Variants in PARD3 observed in about 807,000 individuals in gnomAD.
PARD3 encodes the protein partitioning defective 3 homolog.
PARD3 carries 75 observed loss-of-function variants against 155.4 expected under a neutral mutation model. That is an observed-to-expected ratio of 0.48 (90% confidence interval 0.40 to 0.58). PARD3 has a LOEUF of 0.58. Ranked by LOEUF, PARD3 falls within the 20% of genes least tolerant of loss-of-function variation. PARD3 has a pLI of 0.00. For missense variants in PARD3, 1,642 were observed against 1,721.7 expected, an observed-to-expected ratio of 0.95 and a Z score of 0.82; for synonymous variants, 576 against 610.5, an observed-to-expected ratio of 0.94 and a Z score of 0.83.
chr10:34,415,929 T>A (rs754522275), intron 5 of PARD3, among the ~76,000 whole-genome samples: 1 of 152,188 alleles, frequency 6.6e-6, no homozygotes, highest in Admixed American at 6.5e-5. Flanking sequence ...AGGGTAAAGA[T>A]GAGTAGGAGG....
At chr10:34,278,174 G>A (rs559819545) in intron 21 of PARD3, among the ~76,000 whole-genome samples, 1 of 151,838 alleles carries the variant, frequency 6.6e-6, no homozygotes, top group East Asian at 2.0e-4. Flanking sequence ...AGCCTCCTGA[G>A]TGTCTGGGAC....
At chr10:34,253,521 T>C (rs1458353968) in intron 22 of PARD3, among the ~76,000 whole-genome samples, 1 of 152,214 alleles carries the variant, frequency 6.6e-6, no homozygotes, top group Non-Finnish European at 1.5e-5. Flanking sequence ...CTAGAAGCCA[T>C]CTGGTTGCTA....
chr10:34,171,085 T>G (rs1307210345), intron 22 of PARD3, among the ~76,000 whole-genome samples: 1 of 152,214 alleles, frequency 6.6e-6, no homozygotes, highest in Non-Finnish European at 1.5e-5. Flanking sequence ...CACTCTTTAT[T>G]CATGACATAT....
At position 34,700,844 on chromosome 10, in the gene PARD3, C is replaced by T. The variant is rs151077727; in HGVS notation, c.121-4425G>A. ...AAAATTAGCCAGGCATGGTGGCGTG[C>T]GCCTGTAGTCCCAGCTCCTCTTTCT... On this transcript the variant is annotated intron_variant, in intron 1 of 24. Coordinates refer to ENST00000374788, the MANE Select transcript of PARD3 (RefSeq NM_001184785.2). 3.8e-3 allele frequency among the ~76,000 whole-genome samples: 583 copies of T among 152,072 alleles called. 2 individuals are homozygous for T. Among genetic ancestry groups the T allele is most frequent in the African/African-American group, 0.013 (554 of 41,480 alleles).
chr10:34,585,216 A>G (rs1191928380), intron 2 of PARD3, among the ~76,000 whole-genome samples: 1 of 152,198 alleles, frequency 6.6e-6, no homozygotes, highest in Non-Finnish European at 1.5e-5. Context: ...AGTTTGGTGA[A>G]TAAGATTTCA....
At chr10:34,149,781 C>A (rs1948693354) in intron 22 of PARD3, among the ~76,000 whole-genome samples, 1 of 152,176 alleles carries the variant, frequency 6.6e-6, no homozygotes, top group South Asian at 2.1e-4. Context: ...TGAAAGTATT[C>A]TCCACATGAA....
intron 3 of PARD3, among the ~76,000 whole-genome samples, chr10:34,472,964 A>G (rs748663674): frequency 3.3e-5 from 5 of 152,244 alleles, no homozygotes; most frequent in Non-Finnish European, 7.3e-5. Context: ...GACAAAAATA[A>G]TTAGCATTTA....
At chr10:34,357,049 T>A (rs1838958104) in intron 14 of PARD3, among the ~76,000 whole-genome samples, 1 of 152,202 alleles carries the variant, frequency 6.6e-6, no homozygotes, top group South Asian at 2.1e-4. Context: ...GAGAAGTGAA[T>A]AAAACACAGA....
intron 2 of PARD3, among the ~76,000 whole-genome samples, chr10:34,679,192 A>G (rs536507148): frequency 1.2e-3 from 189 of 152,338 alleles, no homozygotes; most frequent in Non-Finnish European, 2.2e-3. Flanking sequence ...AGGGGAACAC[A>G]TTCCACCACC....
At chr10:34,758,956 T>G (rs1182800866) in intron 1 of PARD3, among the ~76,000 whole-genome samples, 1 of 151,990 alleles carries the variant, frequency 6.6e-6, no homozygotes. Context: ...ACAAAGACTA[T>G]GACATGGAGG....
At chr10:34,229,440 G>A (rs1451777823) in intron 22 of PARD3, among the ~76,000 whole-genome samples, 1 of 151,884 alleles carries the variant, frequency 6.6e-6, no homozygotes, top group Non-Finnish European at 1.5e-5. Flanking sequence ...TAGTGATAGG[G>A]TCTTGCTATG....
intron 3 of PARD3, among the ~76,000 whole-genome samples, chr10:34,481,208 A>C (rs2079062838): frequency 1.3e-5 from 2 of 151,808 alleles, no homozygotes; most frequent in Admixed American, 1.3e-4. Context: ...TTATTTATTT[A>C]TTTATTTATT....
chr10:34,137,876 C>G (rs1458912534), intron 22 of PARD3, among the ~76,000 whole-genome samples: 1 of 152,200 alleles, frequency 6.6e-6, no homozygotes, highest in Non-Finnish European at 1.5e-5. Context: ...AGGCAATTTG[C>G]TATGTGACAG....
chr10:34,684,806 CA>C (rs2093917081), intron 2 of PARD3, among the ~76,000 whole-genome samples: 1 of 124,112 alleles, frequency 8.1e-6, no homozygotes, highest in African/African-American at 4.0e-5. Context: ...CACACACACA[CA>C]CACACACACA....
chr10:34,364,630 T>C (rs1162061527), intron 12 of PARD3, among the ~76,000 whole-genome samples: 1 of 152,112 alleles, frequency 6.6e-6, no homozygotes, highest in African/African-American at 2.4e-5. Flanking sequence ...GACAGGGTCT[T>C]GATATGTTGC....
chr10:34,289,338 C>A (rs897613468), intron 20 of PARD3, among the ~76,000 whole-genome samples: 1 of 151,948 alleles, frequency 6.6e-6, no homozygotes, highest in African/African-American at 2.4e-5. Context: ...TACAGTCGTG[C>A]GCCACCACAC....
chr10:34,181,099 G>A lies in PARD3; in HGVS notation c.3420-49516C>T, dbSNP rs11009668. ...CATCTTGATAGACTGTTGTGCTGAT[G>A]TACAACTGACACACTATACCTGTGC... On this transcript the variant is annotated intron_variant, in intron 22 of 24. Coordinates refer to ENST00000374788, the MANE Select transcript of PARD3 (RefSeq NM_001184785.2). Among the ~76,000 whole-genome samples, 265 of 152,296 alleles carry A rather than the reference G, an allele frequency of 1.7e-3. 2 individuals are homozygous for A. Among genetic ancestry groups the A allele is most frequent in the African/African-American group, 6.0e-3 (248 of 41,564 alleles).
At chr10:34,525,007 A>C (rs1564809045) in intron 2 of PARD3, among the ~76,000 whole-genome samples, 2 of 152,376 alleles carry the variant, frequency 1.3e-5, no homozygotes, top group South Asian at 4.1e-4. Flanking sequence ...ATTTACTTTA[A>C]TGACACAGAG....
intron 5 of PARD3, among the ~76,000 whole-genome samples, chr10:34,435,220 A>G (rs987951797): frequency 7.2e-5 from 11 of 152,192 alleles, no homozygotes; most frequent in African/African-American, 2.4e-4. Context: ...CACTGTGGCT[A>G]TCTCTGGTAC....
Sources: gnomAD v4.1 joint callset for allele counts (sites outside exome capture counted in the v4.1 genomes callset) on GRCh38, gnomAD v4.1.1 for gene constraint, MANE v1.5 for transcripts, NCBI Gene and HGNC (gene_info 2026-07-23, HGNC 2026-07-21) for gene names.